DMXL1: variants seen among roughly 807,000 people sequenced by gnomAD.
The protein encoded by DMXL1 is dmX-like protein 1.
A neutral mutation model predicts 319.2 loss-of-function variants in DMXL1; 99 were observed. That is an observed-to-expected ratio of 0.31 (90% confidence interval 0.26 to 0.37). DMXL1 has a LOEUF of 0.37. Ranked by LOEUF, DMXL1 falls within the 10% of genes least tolerant of loss-of-function variation. The probability of loss-of-function intolerance (pLI) is 1.00; values close to 1 mark genes in which losing one functional copy is unlikely to be tolerated. For missense variants in DMXL1, 3,745 were observed against 3,595.6 expected (o/e 1.04, Z -1.06); for synonymous variants, 1,385 against 1,235.2 (o/e 1.12, Z -2.54).
intron 35 of DMXL1, among the ~76,000 whole-genome samples, chr5:119,219,123 T>C (rs763291242): frequency 2.0e-5 from 3 of 152,192 alleles, no homozygotes; most frequent in African/African-American, 7.2e-5. Flanking sequence ...ATCAGCACTT[T>C]ACACTGGTTG....
intron 38 of DMXL1, among the ~76,000 whole-genome samples, chr5:119,228,143 G>GAA (rs1785944997): frequency 6.6e-6 from 1 of 152,160 alleles, no homozygotes; most frequent in African/African-American, 2.4e-5. Context: ...GCAGTTTAAT[G>GAA]AATTTATAAG....
At chr5:119,165,764 A>G (rs1773305856) in intron 21 of DMXL1, among the ~76,000 whole-genome samples, 1 of 152,236 alleles carries the variant, frequency 6.6e-6, no homozygotes, top group African/African-American at 2.4e-5. Flanking sequence ...AAAACCAACA[A>G]GTCTCTTGAG....
rs1420868080 is a variant in DMXL1, at chr5:119,122,290, G to A, written c.1102+1151G>A. 1.1e-4 allele frequency among the ~76,000 whole-genome samples: 16 copies of A among 146,604 alleles called. No individual in the cohort carries two copies. In the East Asian group the frequency reaches 2.5e-3, roughly 23 times the overall value. Reference sequence around the variant, plus strand: ...CGACCACCCCACCTCCCTCCCGGACGGGGCGGCTGGCCGGGCGGGGGGCTG... The same window carrying A: ...CGACCACCCCACCTCCCTCCCGGACAGGGCGGCTGGCCGGGCGGGGGGCTG... On this transcript the variant is annotated intron_variant, in intron 9 of 43. Transcript: ENST00000539542.
chr5:119,093,414 G>A (rs1460257452), intron 1 of DMXL1, among the ~76,000 whole-genome samples: 2 of 152,122 alleles, frequency 1.3e-5, no homozygotes, highest in East Asian at 1.9e-4. Context: ...GGGATTACAG[G>A]TGTGAGCCAC....
chr5:119,212,530 G>A (rs1782978191), intron 34 of DMXL1, among the ~76,000 whole-genome samples: 1 of 152,138 alleles, frequency 6.6e-6, no homozygotes, highest in Non-Finnish European at 1.5e-5. Context: ...ACAAATATCT[G>A]AATCTCTGCT....
chr5:119,214,323 C>A (rs138621007), intron 34 of DMXL1, among the ~76,000 whole-genome samples: 1 of 152,202 alleles, frequency 6.6e-6, no homozygotes, highest in Admixed American at 6.5e-5. Context: ...ATCACTATCA[C>A]CATTCCTACT....
At chr5:119,230,867 A>G (rs1250129625) in intron 38 of DMXL1, among the ~76,000 whole-genome samples, 1 of 152,158 alleles carries the variant, frequency 6.6e-6, no homozygotes, top group Non-Finnish European at 1.5e-5. Flanking sequence ...GGGCAACAGA[A>G]CAAGACTCCG....
intron 28 of DMXL1, among the ~76,000 whole-genome samples, chr5:119,188,472 TAA>T (rs1238315298): frequency 2.9e-4 from 44 of 152,360 alleles, no homozygotes; most frequent in Admixed American, 1.9e-3. Context: ...AACTTAGCAT[TAA>T]GTTTTTGAAA....
In DMXL1 at chr5:119,239,872, G is replaced by A. The variant is rs553963215; in HGVS notation, c.8652-547G>A. Among the ~76,000 whole-genome samples the A allele has an allele frequency of 7.1e-4, 107 of 150,190 alleles. 1 individual carries two copies. The highest frequency in any genetic ancestry group is 2.3e-3 in the Admixed American group (35 of 14,930). ...CTCTGGGGGCTGAGGCAGGAGAATC[G>A]CTTGAACCTGGGAGGCAGAGGTTGC... On this transcript the variant is annotated intron_variant, in intron 41 of 43. Coordinates refer to ENST00000539542, the MANE Select transcript of DMXL1 (RefSeq NM_001290321.3).
At position 119,234,544 on chromosome 5, in the gene DMXL1, G is replaced by A. The variant is rs1264426166; in HGVS notation, c.8466+1077G>A. ...TTTCATTTCACAAAAGTAGTTTTAT[G>A]TAGTTGTGAAACAAAATTTTGAGAG... On this transcript the variant is annotated intron_variant, in intron 39 of 43. Coordinates refer to ENST00000539542, the MANE Select transcript of DMXL1 (RefSeq NM_001290321.3). 2.6e-5 allele frequency among the ~76,000 whole-genome samples: 4 copies of A among 152,232 alleles called. No homozygotes were observed. In the East Asian group the frequency reaches 7.7e-4, roughly 29 times the overall value.
At position 119,247,396 on chromosome 5, in the gene DMXL1, A is replaced by G. The variant is rs796808072; in HGVS notation, c.*177A>G. On this transcript the variant is annotated 3_prime_UTR_variant, in exon 44 of 44. Transcript: ENST00000539542. ...TTAAAAATTAACAAGGTCATTCAGA[A>G]GTAGATTACATTGCCTAAAGTAGAA... 35 of 529,386 alleles carry G rather than the reference A, an allele frequency of 6.6e-5. No homozygotes were observed. The highest frequency in any genetic ancestry group is 5.9e-4 in the African/African-American group (31 of 52,920). 32.8% of individuals were successfully genotyped at this position (529,386 alleles called of 1,614,324 possible). A position where few individuals can be genotyped will look rare whatever the true frequency, so the allele number is the denominator to read the frequency against.
rs1765485131 is a variant in DMXL1 at position 119,134,061 on chromosome 5, G to C, written c.2137G>C (p.Val713Leu). 4 of 1,614,094 alleles carry C rather than the reference G, an allele frequency of 2.5e-6. No individual in the cohort carries two copies. The highest frequency in any genetic ancestry group is 2.2e-5 in the East Asian group (1 of 44,894). Residue 713 changes from valine to leucine, a missense_variant, in exon 12 of 44, where the codon GTT becomes CTT. Val to Leu is a conservative substitution (Grantham distance 32). Around this residue, in one of 4 missense-constraint regions of DMXL1, gnomAD observed 2,096 missense variants for 1,985.4 expected, o/e 1.06. Transcript: ENST00000539542. ...SELILWRVDP[V>L]GPLSFSGGVS... Reference sequence around the variant, plus strand: ...GCTTATTCTGTGGAGGGTTGACCCAGTTGGGCCATTGTCTTTTTCTGGAGG... The same window carrying C: ...GCTTATTCTGTGGAGGGTTGACCCACTTGGGCCATTGTCTTTTTCTGGAGG...
intron 3 of DMXL1, among the ~76,000 whole-genome samples, chr5:119,102,481 G>C (rs938240870): frequency 2.6e-5 from 4 of 152,170 alleles, no homozygotes; most frequent in Non-Finnish European, 5.9e-5. Flanking sequence ...AAATAGTTCT[G>C]AAAACTGGTT....
chr5:119,071,242 G>T lies in DMXL1; in HGVS notation c.-328G>T, dbSNP rs1028656128. On this transcript the variant is annotated 5_prime_UTR_variant, in exon 1 of 44. Transcript: ENST00000539542. The stretch of plus-strand genomic sequence containing the variant: ...GGTCCAGAGGAAGTGTGTGGACAGC[G>T]CGGCCTTCCTGGCCGGTGAGTCGGC... 5 of 338,616 alleles carry T rather than the reference G, an allele frequency of 1.5e-5. No homozygotes were observed. The highest frequency in any genetic ancestry group is 6.8e-5 in the African/African-American group (3 of 43,992). 21.0% of individuals were successfully genotyped at this position (338,616 alleles called of 1,614,324 possible).
At chr5:119,165,827 G>T (rs1460481862) in intron 21 of DMXL1, among the ~76,000 whole-genome samples, 2 of 152,312 alleles carry the variant, frequency 1.3e-5, no homozygotes, top group East Asian at 3.9e-4. Flanking sequence ...CAATGATTCA[G>T]TTACCTCCCA....
intron 16 of DMXL1, 26 bp from the exon 17 acceptor site, chr5:119,147,223 T>G (rs770853021): frequency 1.1e-5 from 18 of 1,593,382 alleles, no homozygotes; most frequent in Middle Eastern, 1.7e-4. Flanking sequence ...TGCCTCAGTT[T>G]TTGGTTCTTT....
intron 9 of DMXL1, chr5:119,126,840 G>C (rs1340449869): frequency 6.2e-6 from 1 of 161,644 alleles, no homozygotes; most frequent in Non-Finnish European, 1.4e-5. Flanking sequence ...GAGCTTCTCA[G>C]TTTGCTTTTT....
rs555072655 is a variant in DMXL1 at position 119,203,634 on chromosome 5, G to C, written c.7863+198G>C. Among the ~76,000 whole-genome samples, 100 of 152,170 alleles carry C rather than the reference G, an allele frequency of 6.6e-4. 1 individual carries two copies. Among genetic ancestry groups the C allele is most frequent in the Non-Finnish European group, 1.2e-3 (82 of 67,988 alleles). On this transcript the variant is annotated intron_variant, in intron 33 of 43. Coordinates refer to ENST00000539542, the MANE Select transcript of DMXL1 (RefSeq NM_001290321.3). ...CAATTTAATTAATTCAAATGTATTT[G>C]GGACTTTTTTCTCGATAAAAATGTT...
intron 23 of DMXL1, among the ~76,000 whole-genome samples, chr5:119,169,311 C>T (rs760366504): frequency 1.3e-5 from 2 of 152,030 alleles, no homozygotes; most frequent in African/African-American, 2.4e-5. Flanking sequence ...AAAATAATAG[C>T]GGCTTGGACC....
Sources: allele counts gnomAD v4.1 joint callset (sites outside exome capture counted in the v4.1 genomes callset), GRCh38; gene constraint gnomAD v4.1.1; regional missense constraint gnomAD v4.1.1; transcripts MANE v1.5; gene names NCBI Gene and HGNC (gene_info 2026-07-23, HGNC 2026-07-21).